CBLB: variants seen among roughly 807,000 people sequenced by gnomAD.
CBLB encodes the protein E3 ubiquitin-protein ligase CBL-B.
Under a neutral mutation model 104.9 loss-of-function variants are expected in CBLB, and 31 were observed. The ratio of observed to expected loss-of-function variants is 0.30; its 90% CI spans 0.22 to 0.40. The LOEUF (loss-of-function observed/expected upper bound fraction) is 0.40, where lower values mean the gene tolerates loss of function less well. Among genes scored for constraint, CBLB ranks in the 10% least tolerant of loss-of-function variants. The pLI is 1.00. For missense variants in CBLB, 1,062 were observed against 1,214.6 expected, an observed-to-expected ratio of 0.87 and a Z score of 1.87; for synonymous variants, 440 against 422.6, an observed-to-expected ratio of 1.04 and a Z score of -0.51.
intron 3 of CBLB, among the ~76,000 whole-genome samples, chr3:105,802,647 G>C (rs1237371063): frequency 6.6e-6 from 1 of 152,168 alleles, no homozygotes; most frequent in Non-Finnish European, 1.5e-5. Context: ...TGTTTTGGGA[G>C]AGAAGCTTAG....
intron 2 of CBLB, among the ~76,000 whole-genome samples, chr3:105,864,494 AG>A (rs2092309340): frequency 1.3e-5 from 2 of 152,316 alleles, no homozygotes; most frequent in South Asian, 4.1e-4. Context: ...CACTGATGTG[AG>A]GGCTTCTGGG....
chr3:105,818,761 T>C (rs1163212812), intron 3 of CBLB, among the ~76,000 whole-genome samples: 1 of 152,088 alleles, frequency 6.6e-6, no homozygotes, highest in Non-Finnish European at 1.5e-5. Context: ...AAAAATAGAT[T>C]GTGAAGATTA....
rs116848233 is a variant in CBLB at position 105,785,720 on chromosome 3, C to T, written c.420-9178G>A. Among the ~76,000 whole-genome samples, 953 of 152,192 alleles carry T rather than the reference C, an allele frequency of 6.3e-3. 31 individuals are homozygous for T. Among genetic ancestry groups the T allele is most frequent in the East Asian group, 0.053 (274 of 5,180 alleles). ...GAGGAAAAAAGTCATCTCTCTGGTG[C>T]TTATGTCGTGCAATACTAACAGAGA... On this transcript the variant is annotated intron_variant, in intron 3 of 18. Coordinates refer to ENST00000394030, the MANE Select transcript of CBLB (RefSeq NM_170662.5).
intron 3 of CBLB, among the ~76,000 whole-genome samples, chr3:105,839,659 C>A (rs1200837383): frequency 1.3e-5 from 2 of 152,238 alleles, no homozygotes; most frequent in Non-Finnish European, 2.9e-5. Flanking sequence ...GAACTACTTA[C>A]CTCTGCCATT....
At chr3:105,743,996 T>C (rs541344051) in intron 6 of CBLB, among the ~76,000 whole-genome samples, 8 of 151,778 alleles carry the variant, frequency 5.3e-5, no homozygotes, top group Non-Finnish European at 7.4e-5. Flanking sequence ...ATGACTGATA[T>C]ACAAAAAAGC....
chr3:105,818,246 A>G (rs777426819), intron 3 of CBLB, among the ~76,000 whole-genome samples: 1 of 152,184 alleles, frequency 6.6e-6, no homozygotes, highest in Non-Finnish European at 1.5e-5. Context: ...TAGACTTAAA[A>G]GCATCAAATT....
chr3:105,657,387 T>C lies in CBLB; in HGVS notation c.*1583A>G, dbSNP rs1363404122. ...CACAATTAGTCCATATTTAGAAAACTTTCTGTGGGTTCAAGCATTTACACA... is the reference window on the plus strand; with the variant it reads ...CACAATTAGTCCATATTTAGAAAACCTTCTGTGGGTTCAAGCATTTACACA... On this transcript the variant is annotated 3_prime_UTR_variant, in exon 19 of 19. Transcript: ENST00000394030. 9.4e-6 allele frequency: 2 copies of C among 213,740 alleles called. No individual in the cohort carries two copies. The highest frequency in any genetic ancestry group is 7.0e-5 in the East Asian group (1 of 14,290). 13.2% of individuals were successfully genotyped at this position (213,740 alleles called of 1,614,324 possible). A position where few individuals can be genotyped will look rare whatever the true frequency, so the allele number is the denominator to read the frequency against.
At chr3:105,721,055 C>G (rs1559954202) in intron 9 of CBLB, among the ~76,000 whole-genome samples, 1 of 152,006 alleles carries the variant, frequency 6.6e-6, no homozygotes, top group Non-Finnish European at 1.5e-5. Flanking sequence ...GTTTTCTTGC[C>G]CTACAGACAA....
chr3:105,808,504 G>A (rs138024209), intron 3 of CBLB, among the ~76,000 whole-genome samples: 3 of 152,202 alleles, frequency 2.0e-5, no homozygotes, highest in Admixed American at 1.3e-4. Context: ...ATACTAAGCT[G>A]TCTTATGTCA....
chr3:105,667,929 T>C (rs970394503), intron 18 of CBLB, among the ~76,000 whole-genome samples: 2 of 152,124 alleles, frequency 1.3e-5, no homozygotes, highest in African/African-American at 4.8e-5. Context: ...TAAAGGCGCA[T>C]ATGCATTCAG....
At chr3:105,735,034 T>C (rs184123575) in intron 8 of CBLB, among the ~76,000 whole-genome samples, 3 of 152,314 alleles carry the variant, frequency 2.0e-5, no homozygotes, top group Admixed American at 2.0e-4. Context: ...AAAGGAATTA[T>C]GAAACCAATA....
At chr3:105,781,420 T>A (rs2080240217) in intron 3 of CBLB, among the ~76,000 whole-genome samples, 1 of 152,258 alleles carries the variant, frequency 6.6e-6, no homozygotes, top group African/African-American at 2.4e-5. Flanking sequence ...TGATGGAGGA[T>A]GGCACAATGC....
intron 4 of CBLB, among the ~76,000 whole-genome samples, chr3:105,772,581 C>T (rs563628851): frequency 6.6e-6 from 1 of 152,304 alleles, no homozygotes; most frequent in Non-Finnish European, 1.5e-5. Context: ...AAACAGACAA[C>T]TCACACAGTG....
At chr3:105,869,217 C>G, upstream of CBLB, 1 of 643,466 alleles carries the variant, frequency 1.6e-6, no homozygotes, top group Non-Finnish European at 2.6e-6. Context: ...AAGGCCCGCT[C>G]GCAGCACGTC....
intron 3 of CBLB, among the ~76,000 whole-genome samples, chr3:105,811,724 TTTGAGACGGAGTTTCACTC>T (rs1319519886): frequency 2.0e-5 from 3 of 152,222 alleles, no homozygotes; most frequent in African/African-American, 7.2e-5. Flanking sequence ...CTTTTTTTTT[TTTGAGACGGAGTTTCACTC>T]TTGTTCTCCG....
chr3:105,856,408 T>C (rs961533896), intron 2 of CBLB, among the ~76,000 whole-genome samples: 3 of 151,546 alleles, frequency 2.0e-5, no homozygotes, highest in African/African-American at 7.3e-5. Flanking sequence ...GATCAGGGTT[T>C]TTTTCAGAGG....
At chr3:105,779,255 A>G (rs2079849861) in intron 3 of CBLB, among the ~76,000 whole-genome samples, 1 of 152,190 alleles carries the variant, frequency 6.6e-6, no homozygotes, top group Admixed American at 6.5e-5. Flanking sequence ...TGCAGACACT[A>G]AACTTTAAAA....
chr3:105,724,572 A>G (rs1230594067), intron 9 of CBLB, among the ~76,000 whole-genome samples: 4 of 152,178 alleles, frequency 2.6e-5, no homozygotes, highest in Non-Finnish European at 4.4e-5. Context: ...TCCAGTTGGC[A>G]TAATTAGTAT....
At position 105,670,294 on chromosome 3, in the gene CBLB, T is replaced by A; in HGVS notation, c.2628A>T (p.Pro876=). The A allele has an allele frequency of 6.2e-7, 1 of 1,612,104 alleles. No homozygotes were observed. Among genetic ancestry groups the A allele is most frequent in the Non-Finnish European group, 8.5e-7 (1 of 1,178,298 alleles). The part of the protein sequence containing the change: ...QVPLPPARRL[P]GENVKTNRTS... Reference sequence around the variant, plus strand: ...TTCTGTTAGTTTTGACATTTTCACCTGGTAACCTTCTAGCAGGAGGCAAAG... The same window carrying A: ...TTCTGTTAGTTTTGACATTTTCACCAGGTAACCTTCTAGCAGGAGGCAAAG... Residue 876 remains proline (P), a synonymous_variant, in exon 18 of 19, where the codon CCA becomes CCT. Coordinates refer to ENST00000394030, the MANE Select transcript of CBLB (RefSeq NM_170662.5).
Sources: allele counts gnomAD v4.1 joint callset (sites outside exome capture counted in the v4.1 genomes callset), GRCh38; gene constraint gnomAD v4.1.1; transcripts MANE v1.5; gene names NCBI Gene and HGNC (gene_info 2026-07-23, HGNC 2026-07-21).